Variants in NAV2 observed in about 807,000 individuals in gnomAD.
NAV2 encodes neuron navigator 2, also known as helicase, APC down-regulated 1.
Under a neutral mutation model 223.2 loss-of-function variants are expected in NAV2, and 54 were observed. The ratio of observed to expected loss-of-function variants is 0.24; its 90% CI spans 0.19 to 0.30. The LOEUF is 0.30. Among genes scored for constraint, NAV2 ranks in the 10% least tolerant of loss-of-function variants. NAV2 has a pLI of 1.00. For missense variants in NAV2, 2,806 were observed against 3,147.5 expected (o/e 0.89, Z 2.60); for synonymous variants, 1,279 against 1,239.3 (o/e 1.03, Z -0.67).
chr11:19,630,209 T>C (rs915245231), intron 1 of NAV2, among the ~76,000 whole-genome samples: 2 of 152,208 alleles, frequency 1.3e-5, no homozygotes. Context: ...TAGAACTCAT[T>C]AAAATCTGTG....
intron 6 of NAV2, among the ~76,000 whole-genome samples, chr11:19,898,178 T>G (rs2042155905): frequency 6.6e-6 from 1 of 152,138 alleles, no homozygotes; most frequent in African/African-American, 2.4e-5. Flanking sequence ...TAGAAGATAC[T>G]TTCTTCTGAA....
At chr11:19,863,953 T>G (rs2093929043) in intron 3 of NAV2, among the ~76,000 whole-genome samples, 1 of 152,144 alleles carries the variant, frequency 6.6e-6, no homozygotes, top group Non-Finnish European at 1.5e-5. Flanking sequence ...AATAGCAATA[T>G]CAGGTATGAG....
intron 1 of NAV2, among the ~76,000 whole-genome samples, chr11:19,680,925 A>G (rs1374373105): frequency 1.3e-5 from 2 of 152,236 alleles, no homozygotes; most frequent in Admixed American, 1.3e-4. Flanking sequence ...TTTATTTCAG[A>G]CTACTGATGA....
chr11:19,513,974 G>C (rs528833181), intron 1 of NAV2, among the ~76,000 whole-genome samples: 1 of 152,306 alleles, frequency 6.6e-6, no homozygotes, highest in South Asian at 2.1e-4. Context: ...CTCACACCTT[G>C]ATTCTGGACT....
intron 5 of NAV2, among the ~76,000 whole-genome samples, chr11:19,888,036 T>A (rs1380316576): frequency 6.6e-6 from 1 of 151,924 alleles, no homozygotes; most frequent in Non-Finnish European, 1.5e-5. Context: ...AATGACAGTT[T>A]TACTGCTCTG....
intron 1 of NAV2, among the ~76,000 whole-genome samples, chr11:19,529,828 C>T (rs983232288): frequency 5.3e-5 from 8 of 152,200 alleles, no homozygotes; most frequent in African/African-American, 1.9e-4. Flanking sequence ...GGTGTTCTAA[C>T]TTCTGAATTA....
At chr11:19,509,913 G>A (rs2043227367) in intron 1 of NAV2, among the ~76,000 whole-genome samples, 1 of 152,070 alleles carries the variant, frequency 6.6e-6, no homozygotes, top group Non-Finnish European at 1.5e-5. Context: ...CCACCTTCAA[G>A]GATGGGTCTG....
chr11:20,009,692 G>C (rs1273313151), intron 11 of NAV2, among the ~76,000 whole-genome samples: 2 of 152,096 alleles, frequency 1.3e-5, no homozygotes, highest in Non-Finnish European at 2.9e-5. Context: ...GGCTTACTAT[G>C]AGATCTGGCT....
At chr11:19,996,894 G>A (rs775917924) in intron 11 of NAV2, among the ~76,000 whole-genome samples, 10 of 152,144 alleles carry the variant, frequency 6.6e-5, no homozygotes, top group Non-Finnish European at 1.5e-4. Flanking sequence ...GATTAAATGG[G>A]GACAGAGGGA....
intron 11 of NAV2, among the ~76,000 whole-genome samples, chr11:20,025,867 A>G (rs778465651): frequency 2.1e-4 from 32 of 152,176 alleles, no homozygotes; most frequent in Non-Finnish European, 3.8e-4. Flanking sequence ...GTAGGCCTGC[A>G]TCTCCTTCCT....
chr11:20,106,554 CAAAAA>C (rs34470765), intron 35 of NAV2, among the ~76,000 whole-genome samples: 3 of 94,914 alleles, frequency 3.2e-5, no homozygotes, highest in Non-Finnish European at 4.2e-5. Flanking sequence ...AGTGAGACTC[CAAAAA>C]AAAAAAAAAA....
intron 1 of NAV2, among the ~76,000 whole-genome samples, chr11:19,606,595 A>T (rs957649957): frequency 6.6e-6 from 1 of 152,074 alleles, no homozygotes; most frequent in Non-Finnish European, 1.5e-5. Flanking sequence ...GCAGGCACTC[A>T]ATGTTAGTCT....
intron 1 of NAV2, among the ~76,000 whole-genome samples, chr11:19,652,653 G>A (rs1245769855): frequency 2.0e-5 from 3 of 152,108 alleles, no homozygotes; most frequent in Non-Finnish European, 2.9e-5. Context: ...CACAAGTGTC[G>A]CTTTATCCTC....
intron 6 of NAV2, among the ~76,000 whole-genome samples, chr11:19,931,131 T>G (rs144830577): frequency 0.011 from 1,710 of 152,290 alleles, 17 homozygotes; most frequent in Non-Finnish European, 0.017. Context: ...GGAACTCCTT[T>G]TCACAATGTG....
At chr11:20,079,340 C>T (rs1010328559) in intron 24 of NAV2, among the ~76,000 whole-genome samples, 3 of 152,112 alleles carry the variant, frequency 2.0e-5, no homozygotes, top group Non-Finnish European at 2.9e-5. Context: ...TACACCCGGC[C>T]GAGGGTCACT....
At chr11:19,662,144 GATC>G (rs2048300693) in intron 1 of NAV2, among the ~76,000 whole-genome samples, 2 of 152,292 alleles carry the variant, frequency 1.3e-5, no homozygotes, top group South Asian at 2.1e-4. Context: ...TGAAGAGGAA[GATC>G]ATCTTCTGTG....
intron 1 of NAV2, among the ~76,000 whole-genome samples, chr11:19,509,421 G>T (rs765946780): frequency 6.6e-6 from 1 of 152,166 alleles, no homozygotes; most frequent in Non-Finnish European, 1.5e-5. Flanking sequence ...TTGAGCAAGG[G>T]TGTGTGTGTC....
At position 20,103,672 on chromosome 11, in the gene NAV2, A is replaced by G. The variant is rs1457816487; in HGVS notation, c.6592A>G (p.Met2198Val). 3 of 1,614,052 alleles carry G rather than the reference A, an allele frequency of 1.9e-6. No individual in the cohort carries two copies. Among genetic ancestry groups the G allele is most frequent in the East Asian group, 2.2e-5 (1 of 44,882 alleles). The part of the protein sequence containing the change: ...YHKCPYIIGT[M>V]NQATSSTPNL... ...CCGCAGCCCTTACATAATTGGCACAATGAACCAGGCTACCTCTTCGACTCC... is the reference window on the plus strand; with the variant it reads ...CCGCAGCCCTTACATAATTGGCACAGTGAACCAGGCTACCTCTTCGACTCC... Residue 2198 changes from methionine to valine, a missense_variant, in exon 34 of 38, where the codon ATG (methionine) becomes GTG (valine). By Grantham distance (21) the Met-to-Val change is conservative (BLOSUM62 1). This residue lies in a region of NAV2 where 824 missense variants were observed against 1,069.4 expected (regional missense o/e 0.77). Transcript: ENST00000349880.
chr11:19,906,332 G>A (rs570748908), intron 6 of NAV2, among the ~76,000 whole-genome samples: 3 of 152,260 alleles, frequency 2.0e-5, no homozygotes, highest in Admixed American at 1.3e-4. Context: ...ACCTAGTCAC[G>A]TGACCTGCCC....
Sources: allele counts gnomAD v4.1 joint callset (sites outside exome capture counted in the v4.1 genomes callset), GRCh38; gene constraint gnomAD v4.1.1; regional missense constraint gnomAD v4.1.1; transcripts MANE v1.5; gene names NCBI Gene and HGNC (gene_info 2026-07-23, HGNC 2026-07-21).